The following SENP8 variants were observed in gnomAD, a reference collection of about 807,000 sequenced individuals.
SENP8 encodes sentrin-specific protease 8.
In SENP8, 10 loss-of-function variants were observed where a neutral mutation model predicts 14.4. That is an observed-to-expected ratio of 0.69 (90% CI 0.43 to 1.18). SENP8 has a LOEUF of 1.18. Ranked by LOEUF, SENP8 falls within the 50% of genes most tolerant of loss-of-function variation. SENP8 has a pLI of 0.00. For missense variants in SENP8, 202 were observed against 249.4 expected (o/e 0.81, Z 1.28); for synonymous variants, 94 against 95.5 (o/e 0.98, Z 0.09).
intron 1 of SENP8, among the ~76,000 whole-genome samples, chr15:72,127,935 T>A (rs1234328000): frequency 1.3e-5 from 2 of 151,880 alleles, no homozygotes; most frequent in East Asian, 1.9e-4. Context: ...TAAAAAAAAA[T>A]ATTAATTAGC....
At chr15:72,115,394 C>A (rs1214005118), upstream of SENP8, among the ~76,000 whole-genome samples, 3 of 152,186 alleles carry the variant, frequency 2.0e-5, no homozygotes, top group Non-Finnish European at 4.4e-5. Context: ...ACCCCTCTAT[C>A]CTTCCTCCTT....
chr15:72,137,755 G>A (rs1474975397), intron 1 of SENP8, among the ~76,000 whole-genome samples: 3 of 152,126 alleles, frequency 2.0e-5, no homozygotes, highest in Non-Finnish European at 2.9e-5. Flanking sequence ...GGTGGATCAC[G>A]AGGTCAGGAG....
rs908194410 is a variant in SENP8, at chr15:72,125,990, G to A, written c.-48+7526G>A. ...AAGTATGCACTACCATATCCAACTT[G>A]TTTTGTATTTTCAGTAGAGATGGGG... On this transcript the variant is annotated intron_variant, in intron 1 of 1. Coordinates refer to ENST00000340912, the MANE Select transcript of SENP8 (RefSeq NM_145204.4). 2.6e-5 allele frequency among the ~76,000 whole-genome samples: 4 copies of A among 151,786 alleles called. No individual in the cohort carries two copies. The East Asian group carries it at 5.8e-4, about 22-fold the overall frequency.
intron 1 of SENP8, among the ~76,000 whole-genome samples, chr15:72,131,330 T>C (rs1026138477): frequency 2.0e-5 from 3 of 152,204 alleles, no homozygotes; most frequent in Non-Finnish European, 2.9e-5. Context: ...TAAGTGACTC[T>C]TCCAGAGTCA....
At chr15:72,133,186 AT>A (rs1164962394) in intron 1 of SENP8, among the ~76,000 whole-genome samples, 1 of 152,218 alleles carries the variant, frequency 6.6e-6, no homozygotes, top group Non-Finnish European at 1.5e-5. Flanking sequence ...AAAGAAAAAA[AT>A]ATCTAATTGA....
At position 72,141,920 on chromosome 15, in the gene SENP8, G is replaced by A. The variant is rs1277214868; in HGVS notation, c.*1658G>A. On this transcript the variant is annotated 3_prime_UTR_variant, in exon 2 of 2. Transcript: ENST00000340912. ...AAGATAAGAAAACAATGTTATTTCA[G>A]TGACTGTTGACTTAGGCAGCTAATC... is the stretch of plus-strand genomic sequence containing the variant. 2 of 152,142 alleles carry A rather than the reference G, an allele frequency of 1.3e-5. No homozygotes were observed. The highest frequency in any genetic ancestry group is 1.3e-4 in the Admixed American group (2 of 15,264). 9.4% of individuals were successfully genotyped at this position (152,142 alleles called of 1,614,324 possible).
chr15:72,119,935 T>C (rs2081144468), intron 1 of SENP8, among the ~76,000 whole-genome samples: 1 of 152,224 alleles, frequency 6.6e-6, no homozygotes, highest in South Asian at 2.1e-4. Flanking sequence ...ACTTGTCTCT[T>C]TGCTCTCCCG....
chr15:72,135,437 T>C (rs1489909401), intron 1 of SENP8: 2 of 151,338 alleles, frequency 1.3e-5, no homozygotes, highest in African/African-American at 4.8e-5. Flanking sequence ...AAAAAAACTC[T>C]GGACTATAAA....
intron 1 of SENP8, 145 bp from the exon 2 acceptor site, chr15:72,139,432 A>T: frequency 1.5e-6 from 1 of 685,212 alleles, no homozygotes; most frequent in Non-Finnish European, 2.3e-6. Flanking sequence ...AAGAAAATCC[A>T]TGTGTAAGTA....
In SENP8 at chr15:72,141,489, C is replaced by T. The variant is rs1332096834; in HGVS notation, c.*1227C>T. 1 of 152,106 alleles carries T rather than the reference C, an allele frequency of 6.6e-6. No homozygotes were observed. Among genetic ancestry groups the T allele is most frequent in the Non-Finnish European group, 1.5e-5 (1 of 68,018 alleles). 9.4% of individuals were successfully genotyped at this position (152,106 alleles called of 1,614,324 possible). ...GAATTAGATTGCAAGGCCTATGAGACTTGAAAACCAAAGATGAGCTTCAGC... is the reference window on the plus strand; with the variant it reads ...GAATTAGATTGCAAGGCCTATGAGATTTGAAAACCAAAGATGAGCTTCAGC... On this transcript the variant is annotated 3_prime_UTR_variant, in exon 2 of 2. Transcript: ENST00000340912.
intron 1 of SENP8, among the ~76,000 whole-genome samples, chr15:72,131,924 G>A (rs948191157): frequency 6.6e-6 from 1 of 152,130 alleles, no homozygotes; most frequent in East Asian, 1.9e-4. Context: ...CAAACATAGG[G>A]AACAGGGAAG....
At chr15:72,126,886 A>T (rs1400622647) in intron 1 of SENP8, among the ~76,000 whole-genome samples, 1 of 152,112 alleles carries the variant, frequency 6.6e-6, no homozygotes, top group Non-Finnish European at 1.5e-5. Flanking sequence ...CTGCTCCAAT[A>T]CCACACCCCT....
chr15:72,115,700 T>C (rs1432538820), upstream of SENP8, among the ~76,000 whole-genome samples: 1 of 152,196 alleles, frequency 6.6e-6, no homozygotes. Context: ...CCTTCAATAA[T>C]TTAATAAATA....
rs1338850852 is a variant in SENP8, at chr15:72,141,962, A to C, written c.*1700A>C. 6.6e-6 allele frequency: 1 copy of C among 152,200 alleles called. No homozygotes were observed. The allele number at this position is 152,200 out of a possible 1,614,324, so 9.4% of individuals were successfully genotyped here. A position where few individuals can be genotyped will look rare whatever the true frequency, so the allele number is the denominator to read the frequency against. On this transcript the variant is annotated 3_prime_UTR_variant, in exon 2 of 2. Transcript: ENST00000340912. ...CAGCTAATCTAGACTATTAAAGTCA[A>C]ATCCTCTCTGGGAAAAGTTATCTTT...
At chr15:72,136,413 C>T (rs1208870683) in intron 1 of SENP8, among the ~76,000 whole-genome samples, 1 of 151,874 alleles carries the variant, frequency 6.6e-6, no homozygotes, top group Non-Finnish European at 1.5e-5. Context: ...ATTCTTGGCT[C>T]CAGTTTATGT....
intron 1 of SENP8, among the ~76,000 whole-genome samples, chr15:72,133,113 G>C (rs8037381): frequency 0.64 from 97,207 of 152,098 alleles, 32,367 homozygotes; most frequent in Non-Finnish European, 0.74. Flanking sequence ...AGAGGTTGCA[G>C]TGAGCCAAGA....
chr15:72,121,404 A>G (rs1217145142), intron 1 of SENP8, among the ~76,000 whole-genome samples: 2 of 152,118 alleles, frequency 1.3e-5, no homozygotes, highest in Admixed American at 6.6e-5. Context: ...GAATGAAGAG[A>G]CTAGAACAAT....
At chr15:72,122,156 TG>T (rs779026474) in intron 1 of SENP8, among the ~76,000 whole-genome samples, 1 of 151,898 alleles carries the variant, frequency 6.6e-6, no homozygotes, top group Non-Finnish European at 1.5e-5. Context: ...AGCAAAAGAA[TG>T]GGAGGTCCTC....
In SENP8 at chr15:72,139,827, A is replaced by C. The variant is rs778390156; in HGVS notation, c.204A>C (p.Pro68=). 6.2e-7 allele frequency: 1 copy of C among 1,614,244 alleles called. No individual in the cohort carries two copies. The change falls in exon 2 of 2, where the codon CCA becomes CCC. Residue 68 remains proline (P), a synonymous_variant. Coordinates refer to ENST00000340912, the MANE Select transcript of SENP8 (RefSeq NM_145204.4). ...AGTTCATCAAGTGCACTAGCAACCCAGCAGAGATTGCCATGTTCCTTGAAC... is the reference window on the plus strand; with the variant it reads ...AGTTCATCAAGTGCACTAGCAACCCCGCAGAGATTGCCATGTTCCTTGAAC... ...VTQFIKCTSN[P]AEIAMFLEPL...
Sources: gnomAD v4.1 joint callset for allele counts (sites outside exome capture counted in the v4.1 genomes callset) on GRCh38, gnomAD v4.1.1 for gene constraint, MANE v1.5 for transcripts, NCBI Gene and HGNC (gene_info 2026-07-23, HGNC 2026-07-21) for gene names.